Variants in NRCAM observed in about 807,000 individuals in gnomAD.
NRCAM encodes neuronal cell adhesion molecule.
Under a neutral mutation model 156.5 loss-of-function variants are expected in NRCAM, and 83 were observed. The ratio of observed to expected loss-of-function variants is 0.53; its 90% CI spans 0.44 to 0.64. NRCAM has a LOEUF of 0.64. Among genes scored for constraint, NRCAM ranks in the 30% least tolerant of loss-of-function variants. NRCAM has a pLI of 0.00. For synonymous variants in NRCAM, 538 were observed against 563.9 expected (o/e 0.95, Z 0.65); for missense variants, 1,417 against 1,597.3 (o/e 0.89, Z 1.92).
chr7:108,168,999 TATG>T (rs2056787519), intron 28 of NRCAM, among the ~76,000 whole-genome samples: 1 of 152,152 alleles, frequency 6.6e-6, no homozygotes, highest in African/African-American at 2.4e-5. Flanking sequence ...ATGGTAAGGG[TATG>T]TTGGAAGAGA....
intron 3 of NRCAM, among the ~76,000 whole-genome samples, chr7:108,258,332 C>T (rs2096762406): frequency 6.6e-6 from 1 of 152,216 alleles, no homozygotes; most frequent in South Asian, 2.1e-4. Context: ...ATTATTCCCA[C>T]TCTCCAAAAA....
intron 22 of NRCAM, among the ~76,000 whole-genome samples, chr7:108,183,123 A>T (rs1473081744): frequency 1.3e-5 from 2 of 152,264 alleles, no homozygotes; most frequent in Non-Finnish European, 2.9e-5. Context: ...TCAACATTTC[A>T]AAGGTTGTAA....
intron 11 of NRCAM, among the ~76,000 whole-genome samples, chr7:108,216,305 T>C (rs2153637087): frequency 2.0e-5 from 3 of 152,338 alleles, no homozygotes; most frequent in African/African-American, 7.2e-5. Flanking sequence ...GGGCTTTCCT[T>C]TGTGGAGAAC....
chr7:108,352,708 A>C (rs1347205852), intron 2 of NRCAM, among the ~76,000 whole-genome samples: 4 of 152,228 alleles, frequency 2.6e-5, no homozygotes, highest in Admixed American at 2.0e-4. Context: ...ATCAACTTTC[A>C]TTCCCACTTG....
At chr7:108,285,662 T>C (rs1345170704) in intron 3 of NRCAM, among the ~76,000 whole-genome samples, 1 of 152,230 alleles carries the variant, frequency 6.6e-6, no homozygotes, top group Non-Finnish European at 1.5e-5. Context: ...CAGAATTGTC[T>C]AAAAGCATTG....
intron 1 of NRCAM, among the ~76,000 whole-genome samples, chr7:108,426,627 T>A (rs1481901668): frequency 6.6e-6 from 1 of 152,192 alleles, no homozygotes; most frequent in Non-Finnish European, 1.5e-5. Context: ...CTTTTCCCCA[T>A]CAGCAGATTA....
intron 3 of NRCAM, among the ~76,000 whole-genome samples, chr7:108,305,277 C>T (rs1381179722): frequency 2.0e-5 from 3 of 152,120 alleles, no homozygotes; most frequent in Non-Finnish European, 4.4e-5. Flanking sequence ...GTTGGATTCT[C>T]AGTAAGAGAG....
chr7:108,232,434 T>G lies in NRCAM; in HGVS notation c.319A>C (p.Asn107His), dbSNP rs771380880. 2 of 1,612,932 alleles carry G rather than the reference T, an allele frequency of 1.2e-6. No homozygotes were observed. The highest frequency in any genetic ancestry group is 1.7e-6 in the Non-Finnish European group (2 of 1,178,994). Residue 107 changes from asparagine to histidine, a missense_variant, in exon 7 of 33, where the codon AAC becomes CAC. Transcript: ENST00000379028. ...TCAGCTTTCCCTTCGCTCATGATGT[T>G]AATTATGAGCGTTCCTGTGCCAGGC... Reference protein sequence around the residue: ...MKPGTGTLIINIMSEGKAETY... With the variant: ...MKPGTGTLIIHIMSEGKAETY...
intron 32 of NRCAM, 33 bp from the exon 33 acceptor site, chr7:108,150,180 T>G (rs757033845): frequency 1.9e-6 from 3 of 1,548,960 alleles, no homozygotes; most frequent in Non-Finnish European, 2.6e-6. Flanking sequence ...TTGTCAAGAT[T>G]GGCATTTAGG....
At chr7:108,191,933 C>T in intron 17 of NRCAM, 80 bp from the exon 18 acceptor site, 1 of 1,486,870 alleles carries the variant, frequency 6.7e-7, no homozygotes, top group Non-Finnish European at 9.1e-7. Flanking sequence ...AGGAAAAAAA[C>T]TGTAAATTTG....
intron 32 of NRCAM, among the ~76,000 whole-genome samples, chr7:108,151,216 GA>G (rs903149065): frequency 6.6e-6 from 1 of 151,154 alleles, no homozygotes; most frequent in Non-Finnish European, 1.5e-5. Flanking sequence ...TAACATTTGG[GA>G]AAAAAATAGA....
At chr7:108,414,850 C>A (rs1291257112) in intron 1 of NRCAM, among the ~76,000 whole-genome samples, 1 of 152,124 alleles carries the variant, frequency 6.6e-6, no homozygotes, top group Non-Finnish European at 1.5e-5. Flanking sequence ...GTGAAGCCAG[C>A]ACAACCACAA....
In NRCAM at chr7:108,391,205, T is replaced by C. The variant is rs376599594; in HGVS notation, c.-174+8231A>G. Among the ~76,000 whole-genome samples the C allele has an allele frequency of 1.2e-3, 178 of 152,168 alleles. 3 individuals carry two copies. In the East Asian group the frequency reaches 0.026, roughly 22 times the overall value. On this transcript the variant is annotated intron_variant, in intron 2 of 32. Transcript: ENST00000379028. ...GTCTCCCATTATTATTGTGTGGGAG[T>C]CTAAGTCTCTTTGTAGGTCACTAAG... is the stretch of plus-strand genomic sequence containing the variant.
In NRCAM at chr7:108,177,572, A is replaced by G. The variant is rs573411163; in HGVS notation, c.2974+418T>C. 3.8e-3 allele frequency among the ~76,000 whole-genome samples: 571 copies of G among 151,560 alleles called. 24 individuals carry two copies. Among genetic ancestry groups the G allele is most frequent in the Admixed American group, 0.037 (559 of 15,194 alleles). On this transcript the variant is annotated intron_variant, in intron 26 of 32. Coordinates refer to ENST00000379028, the MANE Select transcript of NRCAM (RefSeq NM_001037132.4). ...CGGGAGATGGAGCTTGCAGTGAGCCAAGATCTCACCACTGCACTCCAGCCT... is the reference window on the plus strand; with the variant it reads ...CGGGAGATGGAGCTTGCAGTGAGCCGAGATCTCACCACTGCACTCCAGCCT...
intron 11 of NRCAM, among the ~76,000 whole-genome samples, chr7:108,215,529 TTGTGTGGGAGTCTAAG>T (rs2087790638): frequency 2.0e-5 from 3 of 152,102 alleles, no homozygotes; most frequent in Non-Finnish European, 4.4e-5. Context: ...CCCACTATTT[TTGTGTGGGAGTCTAAG>T]TGTCTTTGTA....
chr7:108,352,498 G>T (rs1304681032), intron 2 of NRCAM, among the ~76,000 whole-genome samples: 1 of 152,212 alleles, frequency 6.6e-6, no homozygotes, highest in Non-Finnish European at 1.5e-5. Flanking sequence ...CTGGATGCTG[G>T]AAAGGTTGCT....
intron 3 of NRCAM, among the ~76,000 whole-genome samples, chr7:108,262,600 C>G (rs80098683): frequency 6.6e-6 from 1 of 152,148 alleles, no homozygotes; most frequent in South Asian, 2.1e-4. Flanking sequence ...TCTTGAGCAT[C>G]CTTTTACTTC....
At chr7:108,316,479 AAACCT>A (rs1342668794) in intron 2 of NRCAM, among the ~76,000 whole-genome samples, 4 of 152,134 alleles carry the variant, frequency 2.6e-5, no homozygotes, top group Non-Finnish European at 5.9e-5. Flanking sequence ...GTACAAATAG[AAACCT>A]AAAAGTTCAG....
chr7:108,258,305 T>C (rs2096761344), intron 3 of NRCAM, among the ~76,000 whole-genome samples: 1 of 152,238 alleles, frequency 6.6e-6, no homozygotes, highest in Non-Finnish European at 1.5e-5. Context: ...CTCCTGCCCC[T>C]GGTCCTTCAG....
Sources: allele counts gnomAD v4.1 joint callset (sites outside exome capture counted in the v4.1 genomes callset), GRCh38; gene constraint gnomAD v4.1.1; transcripts MANE v1.5; gene names NCBI Gene and HGNC (gene_info 2026-07-23, HGNC 2026-07-21).